KAT6A: variants seen among roughly 807,000 people sequenced by gnomAD.
The protein encoded by KAT6A is lysine acetyltransferase 6A.
A neutral mutation model predicts 198.4 loss-of-function variants in KAT6A; 9 were observed. The observed-to-expected ratio is 0.05, with a 90% CI of 0.03 to 0.08. KAT6A has a LOEUF of 0.08. Among genes scored for constraint, KAT6A ranks in the 10% least tolerant of loss-of-function variants. The probability of loss-of-function intolerance (pLI) is 1.00; values close to 1 mark genes in which losing one functional copy is unlikely to be tolerated. For missense variants in KAT6A, 2,077 were observed against 2,509.9 expected (o/e 0.83, Z 3.69); for synonymous variants, 890 against 883.0 (o/e 1.01, Z -0.14).
At chr8:42,034,324 C>A (rs1015972774) in intron 2 of KAT6A, among the ~76,000 whole-genome samples, 5 of 152,088 alleles carry the variant, frequency 3.3e-5, no homozygotes, top group African/African-American at 1.2e-4. Flanking sequence ...CAAGAATCTG[C>A]ATTTTAAACA....
intron 2 of KAT6A, among the ~76,000 whole-genome samples, chr8:42,038,673 G>A (rs1409921506): frequency 1.3e-5 from 2 of 152,148 alleles, no homozygotes; most frequent in African/African-American, 4.8e-5. Flanking sequence ...AATCAGATTA[G>A]AATCACTGTG....
chr8:42,011,399 A>AT, intron 2 of KAT6A, among the ~76,000 whole-genome samples: 1 of 152,260 alleles, frequency 6.6e-6, no homozygotes, highest in African/African-American at 2.4e-5. Flanking sequence ...AAATGAGACC[A>AT]TTTGTTCTAG....
At chr8:41,966,904 CAT>C (rs964865454) in intron 8 of KAT6A, among the ~76,000 whole-genome samples, 2 of 152,150 alleles carry the variant, frequency 1.3e-5, no homozygotes, top group Admixed American at 1.3e-4. Flanking sequence ...GCTCCACTAA[CAT>C]AAAAACTTAC....
chr8:41,964,831 G>A (rs1170606657), intron 8 of KAT6A, among the ~76,000 whole-genome samples: 11 of 152,102 alleles, frequency 7.2e-5, no homozygotes, highest in Non-Finnish European at 1.3e-4. Flanking sequence ...TAACAGTTAC[G>A]TGAATGTGGT....
At chr8:42,006,470 G>C (rs1280781239) in intron 2 of KAT6A, among the ~76,000 whole-genome samples, 1 of 152,188 alleles carries the variant, frequency 6.6e-6, no homozygotes, top group Non-Finnish European at 1.5e-5. Flanking sequence ...GGGACAAGAA[G>C]TGTTTCAGAT....
At chr8:42,037,675 T>C (rs1043826417) in intron 2 of KAT6A, among the ~76,000 whole-genome samples, 4 of 144,438 alleles carry the variant, frequency 2.8e-5, no homozygotes, top group African/African-American at 1.1e-4. Context: ...AACTATCTTC[T>C]TTAACACATT....
intron 2 of KAT6A, among the ~76,000 whole-genome samples, chr8:41,995,322 T>C (rs1036646681): frequency 1.3e-5 from 2 of 152,190 alleles, no homozygotes; most frequent in East Asian, 1.9e-4. Flanking sequence ...ATTTCTGCCA[T>C]AGCAACTCAA....
intron 1 of KAT6A, among the ~76,000 whole-genome samples, chr8:42,050,615 A>C (rs1802564669): frequency 6.6e-6 from 1 of 152,228 alleles, no homozygotes; most frequent in Non-Finnish European, 1.5e-5. Context: ...GCCTAAAAAG[A>C]AGCCCCCTGG....
intron 2 of KAT6A, among the ~76,000 whole-genome samples, chr8:41,991,914 A>G (rs1483930059): frequency 3.3e-5 from 5 of 152,204 alleles, no homozygotes. Context: ...CCAATCTAAG[A>G]GAAAACAGAA....
At chr8:41,998,041 G>A (rs1825305860) in intron 2 of KAT6A, among the ~76,000 whole-genome samples, 1 of 152,090 alleles carries the variant, frequency 6.6e-6, no homozygotes, top group Non-Finnish European at 1.5e-5. Context: ...TTGCTAGGTT[G>A]TCAAAATATA....
At chr8:41,987,273 C>T (rs1033665147) in intron 3 of KAT6A, among the ~76,000 whole-genome samples, 182 bp downstream of exon 3, 1 of 152,098 alleles carries the variant, frequency 6.6e-6, no homozygotes, top group African/African-American at 2.4e-5. Flanking sequence ...TCAGAACACT[C>T]GATGATGTTC....
chr8:41,961,986 A>G (rs371250233), intron 8 of KAT6A, among the ~76,000 whole-genome samples: 1 of 152,272 alleles, frequency 6.6e-6, no homozygotes, highest in East Asian at 1.9e-4. Context: ...TAAGCTGGAC[A>G]GTCAATTTTC....
intron 2 of KAT6A, among the ~76,000 whole-genome samples, chr8:42,022,332 G>A (rs747003882): frequency 2.4e-4 from 36 of 151,566 alleles, no homozygotes; most frequent in Non-Finnish European, 5.0e-4. Flanking sequence ...TTTCAAATCA[G>A]ACCCAGCAAA....
intron 15 of KAT6A, among the ~76,000 whole-genome samples, chr8:41,939,986 A>C (rs1271676402): frequency 2.0e-5 from 3 of 152,222 alleles, no homozygotes; most frequent in Non-Finnish European, 2.9e-5. Context: ...TAATTCTGTA[A>C]ATGTAAAACT....
rs1177928933 is a variant in KAT6A at position 41,932,811 on chromosome 8, A to G, written c.5409T>C (p.Thr1803=). 6.2e-7 allele frequency: 1 copy of G among 1,614,060 alleles called. No individual in the cohort carries two copies. The highest frequency in any genetic ancestry group is 1.7e-5 in the Admixed American group (1 of 60,020). The change falls in exon 17 of 17, where the codon ACT becomes ACC. Residue 1803 remains threonine, a synonymous_variant. Transcript: ENST00000265713. The part of the protein sequence containing the change: ...QLAPSHPLAG[T]PQAQATMTPP... Reference sequence around the variant, plus strand: ...GCGTCATGGTGGCTTGTGCTTGAGGAGTCCCAGCTAAGGGATGAGATGGAG... The same window carrying G: ...GCGTCATGGTGGCTTGTGCTTGAGGGGTCCCAGCTAAGGGATGAGATGGAG...
intron 12 of KAT6A, among the ~76,000 whole-genome samples, chr8:41,944,872 T>A (rs1264306805): frequency 6.6e-6 from 1 of 152,196 alleles, no homozygotes; most frequent in African/African-American, 2.4e-5. Flanking sequence ...ACTGCTCATC[T>A]AAAAAGACCA....
At chr8:41,985,219 TATATTTTCATCTA>T (rs1260340201) in intron 3 of KAT6A, among the ~76,000 whole-genome samples, 3 of 152,174 alleles carry the variant, frequency 2.0e-5, no homozygotes, top group Non-Finnish European at 4.4e-5. Flanking sequence ...GGCATGCCAT[TATATTTTCATCTA>T]ATCTTTCATG....
At chr8:41,976,370 ATTC>A (rs1390551677) in intron 7 of KAT6A, among the ~76,000 whole-genome samples, 1 of 152,208 alleles carries the variant, frequency 6.6e-6, no homozygotes, top group African/African-American at 2.4e-5. Flanking sequence ...AGTTAATCAA[ATTC>A]TTCTCCTCTG....
rs1159445579 is a variant in KAT6A, at chr8:41,974,637, A to C, written c.1482+67T>G. 3.2e-6 allele frequency: 3 copies of C among 934,698 alleles called. No homozygotes were observed. In the East Asian group the frequency reaches 7.4e-5, roughly 23 times the overall value. 57.9% of individuals were successfully genotyped at this position (934,698 alleles called of 1,614,324 possible). On this transcript the variant is annotated intron_variant, in intron 8 of 16. Coordinates refer to ENST00000265713, the MANE Select transcript of KAT6A (RefSeq NM_006766.5). ...GCTGTTACTGCTTAACCCACAATGT[A>C]ATTAATCTGCTGTTTCTCAGCCATG...
Sources: allele counts gnomAD v4.1 joint callset (sites outside exome capture counted in the v4.1 genomes callset), GRCh38; gene constraint gnomAD v4.1.1; transcripts MANE v1.5; gene names NCBI Gene and HGNC (gene_info 2026-07-23, HGNC 2026-07-21).